Variants in GRM8 observed in about 807,000 individuals in gnomAD.
The protein encoded by GRM8 is metabotropic glutamate receptor 8.
In GRM8, 47 loss-of-function variants were observed where a neutral mutation model predicts 87.2. The ratio of observed to expected loss-of-function variants is 0.54; its 90% CI spans 0.43 to 0.69. The LOEUF (loss-of-function observed/expected upper bound fraction) is 0.69, where lower values mean the gene tolerates loss of function less well. Ranked by LOEUF, GRM8 falls within the 30% of genes least tolerant of loss-of-function variation. GRM8 has a pLI of 0.00. For missense variants in GRM8, 1,019 were observed against 1,139.2 expected (o/e 0.89, Z 1.52); for synonymous variants, 396 against 404.5 (o/e 0.98, Z 0.25).
chr7:126,471,821 G>C (rs1805290533), intron 9 of GRM8, among the ~76,000 whole-genome samples: 1 of 152,080 alleles, frequency 6.6e-6, no homozygotes, highest in South Asian at 2.1e-4. Flanking sequence ...TCCTACCCAT[G>C]AGCATGGAAT....
At chr7:126,631,028 C>T (rs1172956667) in intron 7 of GRM8, among the ~76,000 whole-genome samples, 1 of 152,010 alleles carries the variant, frequency 6.6e-6, no homozygotes, top group Non-Finnish European at 1.5e-5. Context: ...GAAGTTCTAG[C>T]CAGGGCAATC....
intron 9 of GRM8, among the ~76,000 whole-genome samples, chr7:126,495,258 G>A (rs186173692): frequency 6.6e-6 from 1 of 152,078 alleles, no homozygotes; most frequent in African/African-American, 2.4e-5. Flanking sequence ...AGAGAAAGTT[G>A]GGTTAGAGCC....
intron 2 of GRM8, among the ~76,000 whole-genome samples, chr7:127,187,233 G>C (rs1357898950): frequency 6.6e-6 from 1 of 152,100 alleles, no homozygotes; most frequent in Non-Finnish European, 1.5e-5. Flanking sequence ...ACAAGTACAA[G>C]CTGTTTAAAA....
intron 7 of GRM8, among the ~76,000 whole-genome samples, chr7:126,703,505 C>G (rs562849121): frequency 1.3e-5 from 2 of 152,218 alleles, no homozygotes; most frequent in African/African-American, 4.8e-5. Flanking sequence ...GTCCTAGGGT[C>G]AAGACGTTTT....
intron 6 of GRM8, among the ~76,000 whole-genome samples, chr7:126,896,648 G>T (rs1801569620): frequency 6.6e-6 from 1 of 152,070 alleles, no homozygotes; most frequent in Admixed American, 6.6e-5. Flanking sequence ...GGTCTTCCAG[G>T]GAGCTAATTA....
At chr7:127,046,215 C>A (rs2051671) in intron 3 of GRM8, among the ~76,000 whole-genome samples, 3 of 151,578 alleles carry the variant, frequency 2.0e-5, no homozygotes, top group Non-Finnish European at 4.4e-5. Flanking sequence ...ACTAAAAATA[C>A]AAAAAAATTA....
intron 7 of GRM8, among the ~76,000 whole-genome samples, chr7:126,696,673 AG>A (rs1809417650): frequency 1.3e-5 from 2 of 152,222 alleles, no homozygotes; most frequent in Non-Finnish European, 2.9e-5. Flanking sequence ...TGAGGCTAAA[AG>A]GAACTGGCAA....
At chr7:127,017,016 C>T (rs1282183445) in intron 3 of GRM8, among the ~76,000 whole-genome samples, 1 of 152,034 alleles carries the variant, frequency 6.6e-6, no homozygotes. Context: ...AGCAATTGTG[C>T]TAACTTTCCT....
At chr7:127,021,713 C>T (rs987238212) in intron 3 of GRM8, among the ~76,000 whole-genome samples, 28 of 152,006 alleles carry the variant, frequency 1.8e-4, no homozygotes, top group African/African-American at 5.1e-4. Flanking sequence ...AAACAGGGAC[C>T]TCAGCTATTG....
At chr7:126,672,590 A>G (rs766614208) in intron 7 of GRM8, among the ~76,000 whole-genome samples, 2 of 152,138 alleles carry the variant, frequency 1.3e-5, no homozygotes, top group Non-Finnish European at 2.9e-5. Flanking sequence ...CCAAACCTTA[A>G]ACTTGTTGGC....
chr7:126,686,291 T>G (rs563423968), intron 7 of GRM8, among the ~76,000 whole-genome samples: 22 of 152,278 alleles, frequency 1.4e-4, no homozygotes, highest in African/African-American at 5.1e-4. Context: ...TCATTCTTCC[T>G]GGACTCAGGA....
At chr7:126,920,251 C>T (rs1372803291) in intron 3 of GRM8, among the ~76,000 whole-genome samples, 1 of 152,100 alleles carries the variant, frequency 6.6e-6, no homozygotes, top group Non-Finnish European at 1.5e-5. Context: ...CTCAGACTTT[C>T]CAGCCTCCAG....
intron 6 of GRM8, among the ~76,000 whole-genome samples, chr7:126,815,296 G>A (rs1793680289): frequency 6.6e-6 from 1 of 152,170 alleles, no homozygotes; most frequent in Admixed American, 6.5e-5. Context: ...TCAAATACAA[G>A]TTCCAAAATG....
chr7:126,569,552 G>A (rs1409473062), intron 8 of GRM8, among the ~76,000 whole-genome samples: 2 of 152,194 alleles, frequency 1.3e-5, no homozygotes, highest in African/African-American at 2.4e-5. Flanking sequence ...CTCTAGCAGT[G>A]TTAGCACAGA....
intron 3 of GRM8, among the ~76,000 whole-genome samples, chr7:126,959,889 T>C (rs1809127610): frequency 1.3e-5 from 2 of 152,190 alleles, no homozygotes; most frequent in African/African-American, 4.8e-5. Context: ...AAATTAATTA[T>C]CCTCTCTAAA....
chr7:126,894,702 GA>G (rs1490826606), intron 6 of GRM8, among the ~76,000 whole-genome samples: 1 of 151,976 alleles, frequency 6.6e-6, no homozygotes, highest in Non-Finnish European at 1.5e-5. Flanking sequence ...CATATACCAG[GA>G]AAAATAGTAG....
At chr7:126,951,558 T>A (rs1808162319) in intron 3 of GRM8, among the ~76,000 whole-genome samples, 1 of 151,992 alleles carries the variant, frequency 6.6e-6, no homozygotes, top group Non-Finnish European at 1.5e-5. Flanking sequence ...CTAACCTAAA[T>A]AACTACAGAA....
At chr7:126,866,841 C>T (rs1439987571) in intron 6 of GRM8, among the ~76,000 whole-genome samples, 2 of 152,088 alleles carry the variant, frequency 1.3e-5, no homozygotes, top group South Asian at 2.1e-4. Flanking sequence ...CCACCCACCT[C>T]GGCCTCCCAA....
chr7:127,044,238 C>T (rs1466074817), intron 3 of GRM8, among the ~76,000 whole-genome samples: 1 of 152,150 alleles, frequency 6.6e-6, no homozygotes, highest in Non-Finnish European at 1.5e-5. Flanking sequence ...TGGGCACAGA[C>T]ACACACCCTC....
Sources: gnomAD v4.1 joint callset for allele counts (sites outside exome capture counted in the v4.1 genomes callset) on GRCh38, gnomAD v4.1.1 for gene constraint, MANE v1.5 for transcripts, NCBI Gene and HGNC (gene_info 2026-07-23, HGNC 2026-07-21) for gene names.